The following WDPCP variants were observed in gnomAD, a reference collection of about 807,000 sequenced individuals.
The protein encoded by WDPCP is WD repeat-containing and planar cell polarity effector protein fritz homolog.
In WDPCP, 71 loss-of-function variants were observed where a neutral mutation model predicts 93.1. That is an observed-to-expected ratio of 0.76 (90% confidence interval 0.63 to 0.93). The LOEUF is 0.93. Ranked by LOEUF, WDPCP falls within the 40% of genes least tolerant of loss-of-function variation. The pLI is 0.00. For missense variants in WDPCP, 844 were observed against 887.4 expected (o/e 0.95, Z 0.62); for synonymous variants, 315 against 315.0 (o/e 1.00, Z 0.00).
intron 6 of WDPCP, among the ~76,000 whole-genome samples, chr2:63,480,570 G>A (rs535565767): frequency 5.3e-5 from 8 of 152,090 alleles, no homozygotes; most frequent in Non-Finnish European, 1.2e-4. Context: ...AGAGAACCCA[G>A]AAATAAACCC....
intron 17 of WDPCP, among the ~76,000 whole-genome samples, chr2:63,142,923 TACAC>T (rs1242494155): frequency 4.2e-4 from 44 of 105,792 alleles, no homozygotes; most frequent in Admixed American, 9.8e-4. Flanking sequence ...CACATACATA[TACAC>T]ACACACACAC....
chr2:63,168,910 T>G (rs781495154), intron 15 of WDPCP: 11 of 152,376 alleles, frequency 7.2e-5, no homozygotes, highest in Non-Finnish European at 1.2e-4. Flanking sequence ...GTGGTTACCT[T>G]TGTACTTGTG....
chr2:63,755,606 T>A (rs1669956014), intron 2 of WDPCP, among the ~76,000 whole-genome samples: 2 of 152,214 alleles, frequency 1.3e-5, no homozygotes, highest in Non-Finnish European at 2.9e-5. Flanking sequence ...TGCTTAAATT[T>A]TTTTTCTGAT....
chr2:63,263,470 C>G (rs906533674), intron 13 of WDPCP, among the ~76,000 whole-genome samples: 2 of 152,162 alleles, frequency 1.3e-5, no homozygotes, highest in Non-Finnish European at 2.9e-5. Flanking sequence ...TTCTCTGTCT[C>G]ATGTGTTTAC....
intron 3 of WDPCP, among the ~76,000 whole-genome samples, chr2:63,593,807 T>G (rs1347716870): frequency 6.6e-6 from 1 of 152,242 alleles, no homozygotes; most frequent in African/African-American, 2.4e-5. Context: ...GCTTAGTCTT[T>G]TTTTACTCAG....
chr2:63,391,101 A>T (rs1475172144), intron 10 of WDPCP, among the ~76,000 whole-genome samples: 1 of 152,210 alleles, frequency 6.6e-6, no homozygotes, highest in African/African-American at 2.4e-5. Context: ...AGAGAATTTT[A>T]GACCAATATC....
rs373174291 is a variant in WDPCP at position 63,606,856 on chromosome 2, A to C, written n.488+43803T>G. ...TAAATCTCTTATTTGCATTATTTTC[A>C]AACAGAATAAGACCTGGAAGTTTGT... On this transcript the variant is annotated intron_variant and non_coding_transcript_variant, in intron 3 of 4. Transcript: ENST00000467687. 3 of 1,597,280 alleles carry C rather than the reference A, an allele frequency of 1.9e-6. No individual in the cohort carries two copies. In the African/African-American group the frequency reaches 4.0e-5, roughly 22 times the overall value.
intron 14 of WDPCP, among the ~76,000 whole-genome samples, chr2:63,200,434 C>T (rs913646096): frequency 7.9e-5 from 12 of 152,140 alleles, no homozygotes; most frequent in African/African-American, 2.9e-4. Context: ...GACTTGGAAG[C>T]AACCTAAGTG....
intron 1 of WDPCP, among the ~76,000 whole-genome samples, chr2:63,573,102 T>C (rs574583274): frequency 6.6e-6 from 1 of 151,946 alleles, no homozygotes; most frequent in East Asian, 1.9e-4. Context: ...AATTTTTTAA[T>C]TGGCTGGTGG....
intron 2 of WDPCP, among the ~76,000 whole-genome samples, chr2:63,752,984 G>A (rs537371628): frequency 3.3e-5 from 5 of 151,820 alleles, no homozygotes; most frequent in Admixed American, 1.3e-4. Flanking sequence ...ATGAGCCCCC[G>A]CACCCGGCCA....
intron 13 of WDPCP, among the ~76,000 whole-genome samples, chr2:63,275,511 A>G (rs887744625): frequency 6.6e-6 from 1 of 152,218 alleles, no homozygotes; most frequent in Non-Finnish European, 1.5e-5. Flanking sequence ...TTATACCTAG[A>G]AAGTTATTAG....
intron 10 of WDPCP, among the ~76,000 whole-genome samples, chr2:63,392,592 A>G: frequency 6.6e-6 from 1 of 152,238 alleles, no homozygotes; most frequent in Non-Finnish European, 1.5e-5. Context: ...CATTAGAGTG[A>G]ACAGGCAACC....
Position 63,404,345 on chromosome 2 carries a change from G to A in WDPCP, c.1138C>T (p.Pro380Ser). 2 of 1,614,120 alleles carry A rather than the reference G, an allele frequency of 1.2e-6. No individual in the cohort carries two copies. The highest frequency in any genetic ancestry group is 1.7e-6 in the Non-Finnish European group (2 of 1,180,010). The change falls in exon 10 of 18, where the codon CCT becomes TCT. Residue 380 changes from proline to serine, a missense_variant. Transcript: ENST00000272321. Reference protein sequence around the residue: ...VTLLAQTELLPSLISCHPSGA... With the variant: ...VTLLAQTELLSSLISCHPSGA... ...CTTGGGTGGCAGCTTATTAATGAAG[G>A]CAAAAGTTCAGTCTGTGCTAAGAGA...
At chr2:63,704,678 T>A (rs1669120097) in intron 2 of WDPCP, among the ~76,000 whole-genome samples, 1 of 152,202 alleles carries the variant, frequency 6.6e-6, no homozygotes, top group South Asian at 2.1e-4. Flanking sequence ...AGCTTTTTGA[T>A]GTGTTGCTGG....
At chr2:63,535,012 G>T (rs1176310869) in intron 1 of WDPCP, among the ~76,000 whole-genome samples, 1 of 152,176 alleles carries the variant, frequency 6.6e-6, no homozygotes, top group Non-Finnish European at 1.5e-5. Context: ...CTTCAACAAA[G>T]TCTCAGGATA....
At chr2:63,777,085 A>G (rs948721068) in intron 2 of WDPCP, among the ~76,000 whole-genome samples, 2 of 152,194 alleles carry the variant, frequency 1.3e-5, no homozygotes, top group African/African-American at 2.4e-5. Flanking sequence ...TCCCACCACA[A>G]AGAAATGACA....
chr2:63,658,430 T>G (rs1325342456), intron 2 of WDPCP, among the ~76,000 whole-genome samples: 1 of 152,158 alleles, frequency 6.6e-6, no homozygotes, highest in Non-Finnish European at 1.5e-5. Context: ...GATGGGGTAA[T>G]CAGACCTATG....
intron 3 of WDPCP, among the ~76,000 whole-genome samples, chr2:63,623,196 A>G (rs1246959109): frequency 1.3e-5 from 2 of 152,228 alleles, no homozygotes; most frequent in Non-Finnish European, 2.9e-5. Flanking sequence ...AGCACTAAAT[A>G]TGGAAAGGAA....
chr2:63,221,902 T>A (rs1472936771), intron 14 of WDPCP, among the ~76,000 whole-genome samples: 1 of 152,142 alleles, frequency 6.6e-6, no homozygotes, highest in African/African-American at 2.4e-5. Flanking sequence ...ATTAGAAAAA[T>A]GGGTGATGAA....
Sources: gnomAD v4.1 joint callset for allele counts (sites outside exome capture counted in the v4.1 genomes callset) on GRCh38, gnomAD v4.1.1 for gene constraint, MANE v1.5 for transcripts, NCBI Gene and HGNC (gene_info 2026-07-23, HGNC 2026-07-21) for gene names.